HSD3B2: variants seen among roughly 807,000 people sequenced by gnomAD.
The protein encoded by HSD3B2 is hydroxy-delta-5-steroid dehydrogenase, 3 beta- and steroid delta-isomerase 2.
Under a neutral mutation model 9.9 loss-of-function variants are expected in HSD3B2, and 8 were observed. That is an observed-to-expected ratio of 0.81 (90% CI 0.47 to 1.46). The LOEUF (loss-of-function observed/expected upper bound fraction) is 1.46. Among genes scored for constraint, HSD3B2 ranks in the 40% most tolerant of loss-of-function variants. The pLI is 0.00. For synonymous variants in HSD3B2, 221 were observed against 184.5 expected (o/e 1.20, Z -1.60); for missense variants, 410 against 448.3 (o/e 0.91, Z 0.77).
intron 3 of HSD3B2, among the ~76,000 whole-genome samples, chr1:119,421,405 A>T (rs184865541): frequency 4.7e-4 from 28 of 59,472 alleles, no homozygotes; most frequent in South Asian, 3.1e-3. Flanking sequence ...ATATATATGT[A>T]TATATATATA....
chr1:119,415,472 T>C lies in HSD3B2; in HGVS notation c.53T>C (p.Ile18Thr). The change falls in exon 2 of 4, where the codon ATC becomes ACC. Residue 18 changes from isoleucine to threonine, a missense_variant. By Grantham distance (89) the Ile-to-Thr change is moderately conservative (BLOSUM62 -1). Transcript: ENST00000369416. ...GCAGGAGGGCTTCTGGGTCAGAGGA[T>C]CGTCCGCCTGTTGGTGGAAGAGAAG... ...TGAGGLLGQR[I>T]VRLLVEEKEL... 1 of 1,613,936 alleles carries C rather than the reference T, an allele frequency of 6.2e-7. No individual in the cohort carries two copies. The highest frequency in any genetic ancestry group is 1.1e-5 in the South Asian group (1 of 91,078).
intron 2 of HSD3B2, among the ~76,000 whole-genome samples, chr1:119,418,926 C>T (rs1418574310): frequency 6.6e-6 from 1 of 152,126 alleles, no homozygotes; most frequent in Admixed American, 6.5e-5. Context: ...GCTGGAATTA[C>T]AGGAATGAGC....
intron 2 of HSD3B2, 119 bp from the exon 3 acceptor site, chr1:119,419,299 C>T: frequency 1.1e-6 from 1 of 887,764 alleles, no homozygotes; most frequent in Non-Finnish European, 1.8e-6. Flanking sequence ...TGTAGTACAC[C>T]CTCCACTCTA....
chr1:119,421,403 GTATATATATATATGTATATA>G (rs1651854288), intron 3 of HSD3B2, among the ~76,000 whole-genome samples: 1 of 66,826 alleles, frequency 1.5e-5, no homozygotes, highest in Non-Finnish European at 2.6e-5. Flanking sequence ...ATATATATAT[GTATATATATATATGTATATA>G]TATGTATATA....
At chr1:119,420,255 T>G (rs1250466822) in intron 3 of HSD3B2, among the ~76,000 whole-genome samples, 1 of 152,148 alleles carries the variant, frequency 6.6e-6, no homozygotes, top group East Asian at 1.9e-4. Context: ...TTGATCCACA[T>G]TTTTTAAAGG....
chr1:119,421,391 GTATATATATATGTATATATATATA>G (rs1651852522), intron 3 of HSD3B2, among the ~76,000 whole-genome samples: 2 of 110,804 alleles, frequency 1.8e-5, no homozygotes, highest in African/African-American at 3.9e-5. Flanking sequence ...ATATATATAT[GTATATATATATGTATATATATATA>G]TGTATATATA....
intron 3 of HSD3B2, chr1:119,419,881 C>T (rs781557171): frequency 5.1e-6 from 2 of 393,282 alleles, no homozygotes; most frequent in South Asian, 2.4e-5. Flanking sequence ...GCTCTTTCTA[C>T]TGTGGCCCCA....
chr1:119,421,752 T>A, intron 3 of HSD3B2, 57 bp from the exon 4 acceptor site: 1 of 1,590,336 alleles, frequency 6.3e-7, no homozygotes. Flanking sequence ...TCTGTGCATG[T>A]GGTTGCAGCT....
Position 119,422,348 on chromosome 1 carries a change from TG to T in HSD3B2, c.849del (p.Trp283Ter). On this transcript the variant is annotated frameshift_variant, in exon 4 of 4. Coordinates refer to ENST00000369416, the MANE Select transcript of HSD3B2 (RefSeq NM_000198.4). LOFTEE classifies it low-confidence loss of function (END_TRUNC). ...GTTTGGCCTCCGCCTTGATTCCAGA[TG>T]GAGCCTTCCTTTAACCCTGATGTAC... Reference protein sequence around the residue: ...KEFGLRLDSRWSLPLTLMYWI... With the variant: ...KEFGLRLDSRXSLPLTLMYWI... 3.7e-6 allele frequency: 6 copies of T among 1,614,176 alleles called. No homozygotes were observed. The highest frequency in any genetic ancestry group is 5.1e-6 in the Non-Finnish European group (6 of 1,180,010).
chr1:119,419,320 T>C (rs1334986242), intron 2 of HSD3B2, 98 bp from the exon 3 acceptor site: 3 of 1,151,292 alleles, frequency 2.6e-6, no homozygotes, highest in Non-Finnish European at 3.9e-6. Context: ...ATACCCACAC[T>C]CTAATCTCTT....
intron 2 of HSD3B2, among the ~76,000 whole-genome samples, chr1:119,417,974 C>G (rs587703830): frequency 6.6e-5 from 10 of 152,236 alleles, no homozygotes; most frequent in African/African-American, 2.4e-4. Flanking sequence ...CACGAGATAG[C>G]TGTAAAAGGA....
intron 2 of HSD3B2, among the ~76,000 whole-genome samples, chr1:119,415,863 A>T (rs1161146451): frequency 6.6e-6 from 1 of 152,022 alleles, no homozygotes; most frequent in Non-Finnish European, 1.5e-5. Flanking sequence ...TACAACTCTT[A>T]TGTTCTGAAG....
At chr1:119,416,741 T>A (rs1265491508) in intron 2 of HSD3B2, among the ~76,000 whole-genome samples, 1 of 152,212 alleles carries the variant, frequency 6.6e-6, no homozygotes, top group Non-Finnish European at 1.5e-5. Flanking sequence ...CTTCTTTCAC[T>A]CTTCTCTGAC....
chr1:119,421,690 C>A, intron 3 of HSD3B2, 119 bp from the exon 4 acceptor site: 1 of 1,139,580 alleles, frequency 8.8e-7, no homozygotes, highest in South Asian at 1.2e-5. Context: ...AAGAATGCAC[C>A]CTGAGTCTGT....
Position 119,419,515 on chromosome 1 carries a change from C to T in HSD3B2, c.240C>T (p.His80=). 1 of 1,613,814 alleles carries T rather than the reference C, an allele frequency of 6.2e-7. No individual in the cohort carries two copies. The highest frequency in any genetic ancestry group is 8.5e-7 in the Non-Finnish European group (1 of 1,179,770). The part of the protein sequence containing the change: ...RACQDVSVVI[H]TACIIDVFGV... ...GCCAGGACGTCTCGGTCGTCATCCACACCGCCTGTATCATTGATGTCTTTG... is the reference window on the plus strand; with the variant it reads ...GCCAGGACGTCTCGGTCGTCATCCATACCGCCTGTATCATTGATGTCTTTG... The change falls in exon 3 of 4, where the codon CAC becomes CAT. Residue 80 remains histidine (H), a synonymous_variant. Coordinates refer to ENST00000369416, the MANE Select transcript of HSD3B2 (RefSeq NM_000198.4).
chr1:119,421,429 A>ATATATATG (rs1557869448), intron 3 of HSD3B2, among the ~76,000 whole-genome samples: 12 of 13,968 alleles, frequency 8.6e-4, no homozygotes, highest in South Asian at 3.7e-3. Context: ...ATATATATGT[A>ATATATATG]TATATATATA....
intron 2 of HSD3B2, among the ~76,000 whole-genome samples, chr1:119,419,097 C>G (rs747430717): frequency 2.6e-5 from 4 of 152,186 alleles, no homozygotes; most frequent in Non-Finnish European, 4.4e-5. Context: ...CACAATCACT[C>G]TATTCTCCAT....
Position 119,419,543 on chromosome 1 carries a change from G to A in HSD3B2, c.268G>A (p.Val90Ile). 1.9e-6 allele frequency: 3 copies of A among 1,613,902 alleles called. No individual in the cohort carries two copies. The highest frequency in any genetic ancestry group is 1.7e-5 in the Admixed American group (1 of 60,012). ...CGCCTGTATCATTGATGTCTTTGGTGTCACTCACAGAGAGTCCATCATGAA... is the reference window on the plus strand; with the variant it reads ...CGCCTGTATCATTGATGTCTTTGGTATCACTCACAGAGAGTCCATCATGAA... ...HTACIIDVFGVTHRESIMNVN... is the reference protein window; with the variant it reads ...HTACIIDVFGITHRESIMNVN... The change falls in exon 3 of 4, where the codon GTC becomes ATC. Residue 90 changes from valine to isoleucine, a missense_variant. Physicochemically the swap from Val to Ile is conservative, Grantham distance 29. Coordinates refer to ENST00000369416, the MANE Select transcript of HSD3B2 (RefSeq NM_000198.4).
At position 119,422,013 on chromosome 1, in the gene HSD3B2, G is replaced by A. The variant is rs80358216; in HGVS notation, c.512G>A (p.Trp171Ter). 2.5e-6 allele frequency: 4 copies of A among 1,614,064 alleles called. No individual in the cohort carries two copies. The highest frequency in any genetic ancestry group is 3.4e-6 in the Non-Finnish European group (4 of 1,179,982). The change falls in exon 4 of 4, where the codon TGG (tryptophan) becomes TAG (stop). Residue 171 changes from tryptophan to a stop codon, truncating the protein, a stop_gained. Coordinates refer to ENST00000369416, the MANE Select transcript of HSD3B2 (RefSeq NM_000198.4). LOFTEE classifies it low-confidence loss of function (END_TRUNC). Reference sequence around the variant, plus strand: ...AAGGCTGTGCTGGCGGCTAATGGGTGGAATCTAAAAAATGGTGATACCTTG... The same window carrying A: ...AAGGCTGTGCTGGCGGCTAATGGGTAGAATCTAAAAAATGGTGATACCTTG... ...AEKAVLAANGWNLKNGDTLYT... is the reference protein window; with the variant it reads ...AEKAVLAANG
Sources: allele counts gnomAD v4.1 joint callset (sites outside exome capture counted in the v4.1 genomes callset), GRCh38; gene constraint gnomAD v4.1.1; transcripts MANE v1.5; gene names NCBI Gene and HGNC (gene_info 2026-07-23, HGNC 2026-07-21).